The following CFAP299 variants were observed in gnomAD, a reference collection of about 807,000 sequenced individuals.
The protein encoded by CFAP299 is cilia and flagella associated protein 299.
A neutral mutation model predicts 27.0 loss-of-function variants in CFAP299; 21 were observed. The observed-to-expected ratio is 0.78, with a 90% CI of 0.55 to 1.12. CFAP299 has a LOEUF of 1.12. Ranked by LOEUF, CFAP299 falls within the 50% of genes most tolerant of loss-of-function variation. The pLI is 0.00. For missense variants in CFAP299, 310 were observed against 276.6 expected, an observed-to-expected ratio of 1.12 and a Z score of -0.86; for synonymous variants, 104 against 98.1, an observed-to-expected ratio of 1.06 and a Z score of -0.36.
At chr4:80,599,551 A>G (rs773991649) in intron 3 of CFAP299, among the ~76,000 whole-genome samples, 17 of 152,132 alleles carry the variant, frequency 1.1e-4, no homozygotes, top group Non-Finnish European at 1.5e-4. Flanking sequence ...GTTTTTAAAA[A>G]TCTTCTGTCC....
chr4:80,802,573 A>G (rs1039690748), intron 3 of CFAP299, among the ~76,000 whole-genome samples: 6 of 152,054 alleles, frequency 3.9e-5, no homozygotes, highest in African/African-American at 1.4e-4. Flanking sequence ...GCCATCAAAA[A>G]GTATTTGATA....
intron 2 of CFAP299, among the ~76,000 whole-genome samples, chr4:80,580,470 C>T (rs1736106831): frequency 6.6e-6 from 1 of 151,796 alleles, no homozygotes; most frequent in South Asian, 2.1e-4. Flanking sequence ...ATTGACACTT[C>T]CTTCCTTCAA....
At chr4:80,944,785 T>C in intron 4 of CFAP299, 25 bp from the exon 5 acceptor site, 1 of 1,542,850 alleles carries the variant, frequency 6.5e-7, no homozygotes, top group Non-Finnish European at 8.8e-7. Flanking sequence ...ACATCTTAAT[T>C]CCTAATAAAT....
chr4:80,917,615 T>G (rs1354210697), intron 4 of CFAP299, among the ~76,000 whole-genome samples: 2 of 152,132 alleles, frequency 1.3e-5, no homozygotes, highest in Non-Finnish European at 2.9e-5. Flanking sequence ...AGCCTCCAAA[T>G]TTTTCACTAG....
chr4:80,943,352 C>T (rs1737292816), intron 4 of CFAP299, among the ~76,000 whole-genome samples: 1 of 151,880 alleles, frequency 6.6e-6, no homozygotes, highest in Non-Finnish European at 1.5e-5. Context: ...AAACATTGCA[C>T]TTTTAGGTAA....
At chr4:80,411,846 A>G (rs1273581876) in intron 2 of CFAP299, among the ~76,000 whole-genome samples, 1 of 152,112 alleles carries the variant, frequency 6.6e-6, no homozygotes, top group African/African-American at 2.4e-5. Context: ...ACAGATATGT[A>G]TTAATATAAC....
intron 2 of CFAP299, chr4:80,387,835 C>A (rs1725099342): frequency 6.9e-7 from 1 of 1,447,610 alleles, no homozygotes; most frequent in Admixed American, 1.7e-5. Context: ...TTCCAGGAGT[C>A]CCCTGGTACC....
intron 2 of CFAP299, among the ~76,000 whole-genome samples, chr4:80,510,573 C>T (rs1193400757): frequency 1.3e-5 from 2 of 152,158 alleles, no homozygotes; most frequent in African/African-American, 4.8e-5. Flanking sequence ...TGCTTTTCCA[C>T]CTCTGAGCAT....
intron 2 of CFAP299, among the ~76,000 whole-genome samples, chr4:80,563,543 A>T (rs927565747): frequency 8.5e-5 from 13 of 152,186 alleles, no homozygotes; most frequent in African/African-American, 2.9e-4. Context: ...GGATACAGCA[A>T]AAGCAGTACT....
At chr4:80,394,677 A>G (rs1725681165) in intron 2 of CFAP299, among the ~76,000 whole-genome samples, 1 of 152,130 alleles carries the variant, frequency 6.6e-6, no homozygotes, top group Non-Finnish European at 1.5e-5. Context: ...TTTTTTGAAG[A>G]GAATGTCCTT....
chr4:80,852,042 G>T (rs1362529935), intron 3 of CFAP299, among the ~76,000 whole-genome samples: 6 of 151,996 alleles, frequency 3.9e-5, no homozygotes, highest in Admixed American at 3.9e-4. Flanking sequence ...AAGGGAGCTG[G>T]ATATTTTTAT....
At chr4:80,365,366 TA>T (rs1158908912) in intron 2 of CFAP299, among the ~76,000 whole-genome samples, 4 of 152,202 alleles carry the variant, frequency 2.6e-5, no homozygotes, top group Non-Finnish European at 5.9e-5. Flanking sequence ...CTTTTTCTTA[TA>T]TGTTTGTTGG....
At chr4:80,780,229 C>A (rs959610434) in intron 3 of CFAP299, among the ~76,000 whole-genome samples, 1 of 152,040 alleles carries the variant, frequency 6.6e-6, no homozygotes, top group African/African-American at 2.4e-5. Flanking sequence ...TCTTATTCTC[C>A]TCACCAGCAT....
intron 2 of CFAP299, among the ~76,000 whole-genome samples, chr4:80,582,093 T>G (rs1736203044): frequency 6.6e-6 from 1 of 151,894 alleles, no homozygotes; most frequent in Non-Finnish European, 1.5e-5. Flanking sequence ...ACATTTGAAT[T>G]TCTTTATTCC....
At chr4:80,887,054 T>C (rs1016081283) in intron 4 of CFAP299, among the ~76,000 whole-genome samples, 1 of 151,022 alleles carries the variant, frequency 6.6e-6, no homozygotes, top group Non-Finnish European at 1.5e-5. Flanking sequence ...AGAAAAAAAA[T>C]AAACAATGAA....
At chr4:80,387,071 G>T (rs1295382965) in intron 2 of CFAP299, 1 of 1,431,946 alleles carries the variant, frequency 7.0e-7, no homozygotes. Context: ...AGGGGAAGTT[G>T]TGAGTGGCGG....
chr4:80,855,712 T>C (rs1286155717), intron 3 of CFAP299, among the ~76,000 whole-genome samples: 60 of 152,296 alleles, frequency 3.9e-4, no homozygotes, highest in African/African-American at 1.4e-3. Flanking sequence ...CAATTTCATC[T>C]ATGTCCCTAC....
chr4:80,363,873 G>A (rs6836496), intron 2 of CFAP299, among the ~76,000 whole-genome samples: 127,326 of 151,948 alleles, frequency 0.84, 53,515 homozygotes, highest in African/African-American at 0.9. Context: ...CAGATCAAGA[G>A]GTCAGGAGAT....
chr4:80,952,466 G>T (rs76696901), intron 5 of CFAP299, among the ~76,000 whole-genome samples: 1 of 152,060 alleles, frequency 6.6e-6, no homozygotes. Flanking sequence ...AGGAACTTTC[G>T]AGAGTAAATG....
Sources: gnomAD v4.1 joint callset for allele counts (sites outside exome capture counted in the v4.1 genomes callset) on GRCh38, gnomAD v4.1.1 for gene constraint, MANE v1.5 for transcripts, NCBI Gene and HGNC (gene_info 2026-07-23, HGNC 2026-07-21) for gene names.